OSBPL10: variants seen among roughly 807,000 people sequenced by gnomAD.
OSBPL10 encodes the protein oxysterol-binding protein-related protein 10.
OSBPL10 carries 49 observed loss-of-function variants against 81.7 expected under a neutral mutation model. The ratio of observed to expected loss-of-function variants is 0.60; its 90% CI spans 0.48 to 0.76. The LOEUF (loss-of-function observed/expected upper bound fraction) is 0.76. Ranked by LOEUF, OSBPL10 falls within the 30% of genes least tolerant of loss-of-function variation. OSBPL10 has a pLI of 0.00. For synonymous variants in OSBPL10, 419 were observed against 383.6 expected (o/e 1.09, Z -1.08); for missense variants, 923 against 987.8 (o/e 0.93, Z 0.88).
At chr3:31,982,026 C>G (rs1289787822), upstream of OSBPL10, 2 of 152,236 alleles carry the variant, frequency 1.3e-5, no homozygotes, top group Non-Finnish European at 2.9e-5. Flanking sequence ...ATTGAGTGTC[C>G]TAGGTCACTC....
At chr3:31,786,272 T>C (rs1329706074) in intron 4 of OSBPL10, among the ~76,000 whole-genome samples, 2 of 152,230 alleles carry the variant, frequency 1.3e-5, no homozygotes, top group Admixed American at 6.5e-5. Flanking sequence ...TTTTTGGCCA[T>C]GAAGCTTTCA....
intron 2 of OSBPL10, 139 bp from the exon 3 acceptor site, chr3:31,876,651 CACA>C (rs1234157818): frequency 3.0e-6 from 2 of 669,236 alleles, no homozygotes; most frequent in Non-Finnish European, 5.3e-6. Context: ...AAGCACAGAT[CACA>C]ACGTTCTCAA....
At chr3:31,822,261 C>A (rs963639756) in intron 4 of OSBPL10, 1 of 152,118 alleles carries the variant, frequency 6.6e-6, no homozygotes, top group Non-Finnish European at 1.5e-5. Flanking sequence ...CAAAAGTCAA[C>A]AATGAAAAAA....
intron 4 of OSBPL10, among the ~76,000 whole-genome samples, chr3:31,748,542 A>G (rs562955115): frequency 7.9e-5 from 12 of 151,450 alleles, no homozygotes; most frequent in African/African-American, 2.2e-4. Context: ...ACTCTTTGCT[A>G]GTCCTGTTCA....
intron 4 of OSBPL10, among the ~76,000 whole-genome samples, chr3:31,827,276 T>C (rs1700122416): frequency 6.6e-6 from 1 of 151,012 alleles, no homozygotes; most frequent in Non-Finnish European, 1.5e-5. Flanking sequence ...CCCCAACAGA[T>C]AGACAACAGA....
chr3:31,887,962 C>T (rs1334479898), intron 1 of OSBPL10, among the ~76,000 whole-genome samples: 1 of 152,142 alleles, frequency 6.6e-6, no homozygotes, highest in African/African-American at 2.4e-5. Context: ...TTCCAACACA[C>T]CCCAGGTGGT....
At chr3:31,712,694 T>C (rs1346747139) in intron 6 of OSBPL10, among the ~76,000 whole-genome samples, 5 of 152,244 alleles carry the variant, frequency 3.3e-5, no homozygotes, top group African/African-American at 1.2e-4. Context: ...TGACTTCTTA[T>C]GCAGAACTAC....
At position 31,965,167 on chromosome 3, in the gene OSBPL10, T is replaced by A. The variant is rs546816586; in HGVS notation, c.281+15732A>T. Among the ~76,000 whole-genome samples, 553 of 151,532 alleles carry A rather than the reference T, an allele frequency of 3.6e-3. 1 individual carries two copies. The highest frequency in any genetic ancestry group is 0.024 in the Middle Eastern group (7 of 292). Reference sequence around the variant, plus strand: ...GGCGGATCACGAGGTCAGGAGATTGTGACCATCCTGGCTAACATGGTGAAA... The same window carrying A: ...GGCGGATCACGAGGTCAGGAGATTGAGACCATCCTGGCTAACATGGTGAAA... On this transcript the variant is annotated intron_variant, in intron 1 of 11. Transcript: ENST00000396556.
chr3:31,688,087 G>T (rs1559416453), intron 7 of OSBPL10, among the ~76,000 whole-genome samples: 1 of 151,944 alleles, frequency 6.6e-6, no homozygotes, highest in Non-Finnish European at 1.5e-5. Context: ...TTGCAATGAA[G>T]GAAGGGCGTA....
At chr3:32,001,592 T>G (rs1050900619) in intron 2 of OSBPL10, among the ~76,000 whole-genome samples, 6 of 152,184 alleles carry the variant, frequency 3.9e-5, no homozygotes, top group Non-Finnish European at 7.3e-5. Flanking sequence ...ATTACAGAGA[T>G]TTATATTCTG....
chr3:31,889,702 A>T lies in OSBPL10; in HGVS notation c.282-9872T>A, dbSNP rs115940157. ...TAGAAGGAGATTTGTTAAAGGATAC[A>T]AACTTATAGCTAGACGGGAGGATTT... On this transcript the variant is annotated intron_variant, in intron 1 of 11. Transcript: ENST00000396556. Among the ~76,000 whole-genome samples, 354 of 152,292 alleles carry T rather than the reference A, an allele frequency of 2.3e-3. 3 individuals carry two copies. Among genetic ancestry groups the T allele is most frequent in the Middle Eastern group, 0.017 (5 of 294 alleles).
intron 1 of OSBPL10, among the ~76,000 whole-genome samples, chr3:32,062,189 C>T (rs1047586432): frequency 1.1e-5 from 1 of 93,010 alleles, no homozygotes; most frequent in African/African-American, 2.8e-5. Flanking sequence ...CTCACTGCAA[C>T]CTCCACCTCC....
intron 1 of OSBPL10, among the ~76,000 whole-genome samples, chr3:31,905,274 A>G (rs1324625144): frequency 1.3e-5 from 2 of 151,244 alleles, no homozygotes; most frequent in African/African-American, 4.9e-5. Context: ...TCACACGATG[A>G]TATCAAACTT....
intron 2 of OSBPL10, among the ~76,000 whole-genome samples, chr3:32,001,855 A>G (rs1230177416): frequency 1.3e-5 from 2 of 152,146 alleles, no homozygotes; most frequent in African/African-American, 4.8e-5. Context: ...AACACCCAGT[A>G]ATCTCTATTA....
At chr3:31,730,532 A>G (rs958548667) in intron 6 of OSBPL10, among the ~76,000 whole-genome samples, 3 of 152,172 alleles carry the variant, frequency 2.0e-5, no homozygotes, top group African/African-American at 7.2e-5. Context: ...ACTAATAGGT[A>G]AAACCAAGAT....
intron 2 of OSBPL10, among the ~76,000 whole-genome samples, chr3:32,017,371 T>A (rs999708828): frequency 1.3e-5 from 2 of 152,206 alleles, no homozygotes; most frequent in African/African-American, 4.8e-5. Flanking sequence ...AAGCTACACA[T>A]TTTTACTCTA....
intron 11 of OSBPL10, chr3:31,662,354 G>A (rs1232202937): frequency 3.9e-6 from 5 of 1,269,822 alleles, no homozygotes; most frequent in Non-Finnish European, 5.0e-6. Context: ...AAATAAAAGG[G>A]GAGCTTGGTT....
At chr3:31,722,261 T>C (rs1696669738) in intron 6 of OSBPL10, among the ~76,000 whole-genome samples, 1 of 152,134 alleles carries the variant, frequency 6.6e-6, no homozygotes, top group African/African-American at 2.4e-5. Context: ...GAACCTGTAT[T>C]CTCAGATGAT....
intron 1 of OSBPL10, among the ~76,000 whole-genome samples, chr3:31,898,312 A>G (rs1696126606): frequency 6.6e-6 from 1 of 152,222 alleles, no homozygotes; most frequent in Non-Finnish European, 1.5e-5. Context: ...GTGAGGTGAG[A>G]GATATGTTAA....
Sources: allele counts gnomAD v4.1 joint callset (sites outside exome capture counted in the v4.1 genomes callset), GRCh38; gene constraint gnomAD v4.1.1; transcripts MANE v1.5; gene names NCBI Gene and HGNC (gene_info 2026-07-23, HGNC 2026-07-21).